Variants in DUOX2 observed in about 807,000 individuals in gnomAD.
The protein encoded by DUOX2 is dual oxidase 2, also known as NADH/NADPH thyroid oxidase p138-tox.
Under a neutral mutation model 183.3 loss-of-function variants are expected in DUOX2, and 185 were observed. The ratio of observed to expected loss-of-function variants is 1.01; its 90% confidence interval spans 0.90 to 1.14. The LOEUF (loss-of-function observed/expected upper bound fraction) is 1.14, where lower values mean the gene tolerates loss of function less well. Ranked by LOEUF, DUOX2 falls within the 50% of genes most tolerant of loss-of-function variation. The probability of loss-of-function intolerance (pLI) is 0.00; values close to 1 mark genes in which losing one functional copy is unlikely to be tolerated. For missense variants in DUOX2, 1,999 were observed against 2,022.9 expected (o/e 0.99, Z 0.23); for synonymous variants, 788 against 812.4 (o/e 0.97, Z 0.51).
Position 45,110,645 on chromosome 15 carries a change from C to G in DUOX2, c.943+5G>C. 1 of 1,613,244 alleles carries G rather than the reference C, an allele frequency of 6.2e-7. No individual in the cohort carries two copies. Among genetic ancestry groups the G allele is most frequent in the Non-Finnish European group, 8.5e-7 (1 of 1,180,016 alleles). On this transcript the variant is annotated splice_donor_5th_base_variant and intron_variant, in intron 8 of 33. Transcript: ENST00000389039. ...CACAGGTGTCCTCCTTCCCCGCTCC[C>G]TCACCTGTATACTCCGGGAGTGTTT...
intron 13 of DUOX2, 62 bp downstream of exon 13, chr15:45,107,985 G>A (rs1894268646): frequency 1.9e-6 from 3 of 1,605,146 alleles, no homozygotes; most frequent in Non-Finnish European, 2.6e-6. Context: ...TCTAAGGCTA[G>A]ACAGAGGGTC....
intron 26 of DUOX2, chr15:45,099,055 A>G: frequency 7.2e-6 from 2 of 278,378 alleles, no homozygotes; most frequent in South Asian, 8.5e-5. Context: ...CTTTCGCCCA[A>G]GCTGGACTGC....
chr15:45,113,002 C>T lies in DUOX2; in HGVS notation c.145G>A (p.Glu49Lys), dbSNP rs756746436. 15 of 1,613,666 alleles carry T rather than the reference C, an allele frequency of 9.3e-6. No homozygotes were observed. Among genetic ancestry groups the T allele is most frequent in the Admixed American group, 1.7e-5 (1 of 60,036 alleles). The change falls in exon 3 of 34, where the codon GAG becomes AAG. Residue 49 changes from glutamate to lysine, a missense_variant. This residue lies in a region of DUOX2 where 356 missense variants were observed against 356.4 expected (regional missense o/e 1.00). Transcript: ENST00000389039. ...CAGAACGCACCAACAGCACCACGCT[C>T]GTGGTGCCTCAGGTTGTTAAACCAG... The part of the protein sequence containing the change: ...DGWFNNLRHH[E>K]RGAVGCRLQR...
intron 4 of DUOX2, 137 bp downstream of exon 4, chr15:45,112,417 G>C: frequency 9.3e-7 from 1 of 1,071,486 alleles, no homozygotes; most frequent in Non-Finnish European, 1.3e-6. Context: ...GATGAAGGCA[G>C]TCTCGAAGTG....
rs1388614447 is a variant in DUOX2 at position 45,101,700 on chromosome 15, G to T, written c.2851+93C>A. 4 of 1,555,328 alleles carry T rather than the reference G, an allele frequency of 2.6e-6. No homozygotes were observed. In the East Asian group the frequency reaches 6.7e-5, roughly 26 times the overall value. On this transcript the variant is annotated intron_variant, in intron 21 of 33. Transcript: ENST00000389039. ...TTCTATACTAGGTACCAAGGACTCA[G>T]AAAAGAGTAAGACCTGGGTCCTGCC...
At chr15:45,107,990 A>AG in intron 13 of DUOX2, 57 bp downstream of exon 13, 1 of 1,601,194 alleles carries the variant, frequency 6.2e-7, no homozygotes, top group Non-Finnish European at 8.6e-7. Context: ...GGCTAGACAG[A>AG]GGGTCTGGGG....
At chr15:45,109,337 A>G in intron 11 of DUOX2, 187 bp downstream of exon 11, 1 of 627,412 alleles carries the variant, frequency 1.6e-6, no homozygotes, top group Non-Finnish European at 2.8e-6. Flanking sequence ...AAAGCAACAC[A>G]AAAGTGTAAA....
chr15:45,102,392 G>C (rs905941518), intron 20 of DUOX2, among the ~76,000 whole-genome samples: 1 of 152,186 alleles, frequency 6.6e-6, no homozygotes, highest in Admixed American at 6.5e-5. Flanking sequence ...CAGGCAGCCA[G>C]GTGCCAGGGA....
chr15:45,095,328 T>G, intron 31 of DUOX2, 109 bp downstream of exon 31: 1 of 1,541,870 alleles, frequency 6.5e-7, no homozygotes, highest in Non-Finnish European at 8.9e-7. Context: ...AATGACCCCT[T>G]CAGACTCAGT....
Position 45,110,470 on chromosome 15 carries a change from T to A in DUOX2, c.998A>T (p.Glu333Val). ...SISPEFVVASEQFFSTMVPPG... is the reference protein window; with the variant it reads ...SISPEFVVASVQFFSTMVPPG... ...GGGCACCATGGTAGAGAAGAACTGC[T>A]CAGAGGCCACCACAAATTCCGGGGA... The change falls in exon 9 of 34, where the codon GAG (glutamate) becomes GTG (valine). Residue 333 changes from glutamate (E) to valine (V), a missense_variant. By Grantham distance (121) the Glu-to-Val change is moderately radical. Around this residue, in one of 3 missense-constraint regions of DUOX2, gnomAD observed 1,628 missense variants for 1,608.6 expected, o/e 1.01. Coordinates refer to ENST00000389039, the MANE Select transcript of DUOX2 (RefSeq NM_001363711.2). 6.2e-7 allele frequency: 1 copy of A among 1,613,982 alleles called. No homozygotes were observed. Among genetic ancestry groups the A allele is most frequent in the South Asian group, 1.1e-5 (1 of 91,084 alleles).
At chr15:45,111,645 G>T (rs889565573) in intron 5 of DUOX2, 60 bp from the exon 6 acceptor site, 1 of 1,453,050 alleles carries the variant, frequency 6.9e-7, no homozygotes, top group Non-Finnish European at 9.0e-7. Flanking sequence ...AGGGAAGGCC[G>T]GGGCCCGGCG....
chr15:45,107,449 T>G lies in DUOX2; in HGVS notation c.1589A>C (p.Lys530Thr), dbSNP rs547545680. The change falls in exon 14 of 34, where the codon AAG (lysine) becomes ACG (threonine). Residue 530 changes from lysine to threonine, a missense_variant. Lys to Thr is a moderately conservative substitution (Grantham distance 78). Coordinates refer to ENST00000389039, the MANE Select transcript of DUOX2 (RefSeq NM_001363711.2). ...GGTATTTCGGATGTCTTCAATCTCC[T>G]TCTTGGAGAACAGCCTAAGTTGGAG... The part of the protein sequence containing the change: ...ENTRNGLFSK[K>T]EIEDIRNTTL... 6.2e-7 allele frequency: 1 copy of G among 1,614,146 alleles called. No individual in the cohort carries two copies. The highest frequency in any genetic ancestry group is 1.7e-5 in the Admixed American group (1 of 60,028).
chr15:45,111,657 G>A lies in DUOX2; in HGVS notation c.514-72C>T, dbSNP rs1595528893. The A allele has an allele frequency of 6.9e-6, 10 of 1,447,396 alleles. No homozygotes were observed. In the East Asian group the frequency reaches 2.7e-4, roughly 39 times the overall value. The allele number at this position is 1,447,396 out of a possible 1,614,324, so 89.7% of individuals were successfully genotyped here. ...GCCAGGGAAGGCCGGGGCCCGGCGG[G>A]TGTCCGCGGCTGGGGAGTGGGCGCC... On this transcript the variant is annotated intron_variant, in intron 5 of 33. Transcript: ENST00000389039.
rs944676785 is a variant in DUOX2 at position 45,095,852 on chromosome 15, G to C, written c.4056C>G (p.Gly1352=). 6.2e-7 allele frequency: 1 copy of C among 1,614,134 alleles called. No homozygotes were observed. The highest frequency in any genetic ancestry group is 8.5e-7 in the Non-Finnish European group (1 of 1,180,008). The change falls in exon 30 of 34, where the codon GGC becomes GGG. Residue 1352 remains glycine, a synonymous_variant. Transcript: ENST00000389039. ...RLREIYSSPK[G]NGCAGYPKLY... is the part of the protein sequence containing the mutation. Reference sequence around the variant, plus strand: ...CCTTTGGGTATCCAGCACAGCCATTGCCCTTTGGGGATGAGTAGATCTCCC... The same window carrying C: ...CCTTTGGGTATCCAGCACAGCCATTCCCCTTTGGGGATGAGTAGATCTCCC...
At chr15:45,107,087 C>T (rs1894239730) in intron 14 of DUOX2, 118 bp from the exon 15 acceptor site, 2 of 1,438,846 alleles carry the variant, frequency 1.4e-6, no homozygotes, top group African/African-American at 1.4e-5. Context: ...GGCCCACCTC[C>T]CTGAAACTGT....
At chr15:45,104,626 G>A (rs568111956) in intron 18 of DUOX2, among the ~76,000 whole-genome samples, 2 of 152,288 alleles carry the variant, frequency 1.3e-5, no homozygotes, top group African/African-American at 4.8e-5. Context: ...GGGTAGGGAA[G>A]GGGAAGGGCG....
intron 17 of DUOX2, 58 bp from the exon 18 acceptor site, chr15:45,105,886 C>A: frequency 6.2e-7 from 1 of 1,602,028 alleles, no homozygotes; most frequent in Non-Finnish European, 8.5e-7. Flanking sequence ...CTGCTTCAGC[C>A]TCCCCTCAAT....
chr15:45,098,933 G>A (rs964327427), intron 26 of DUOX2: 7 of 208,340 alleles, frequency 3.4e-5, no homozygotes, highest in African/African-American at 1.6e-4. Flanking sequence ...GGAACTCCTG[G>A]CCTCAAGCAA....
Position 45,100,128 on chromosome 15 carries a change from C to G in DUOX2, c.3106G>C (p.Glu1036Gln). ...QKLQQYKRFV[E>Q]NYRRHIVCVA... ...CACACGATGTGCCTCCGGTAGTTCT[C>G]CACGAAGCGCTTGTACTGCTGCAGC... Residue 1036 changes from glutamate (E) to glutamine (Q), a missense_variant, in exon 24 of 34, where the codon GAG becomes CAG. This residue lies in a region of DUOX2 where 1,628 missense variants were observed against 1,608.6 expected (regional missense o/e 1.01). Coordinates refer to ENST00000389039, the MANE Select transcript of DUOX2 (RefSeq NM_001363711.2). The G allele has an allele frequency of 1.9e-6, 3 of 1,614,208 alleles. No individual in the cohort carries two copies. The highest frequency in any genetic ancestry group is 2.5e-6 in the Non-Finnish European group (3 of 1,180,038).
Sources: gnomAD v4.1 joint callset for allele counts (sites outside exome capture counted in the v4.1 genomes callset) on GRCh38, gnomAD v4.1.1 for gene constraint, gnomAD v4.1.1 regional missense constraint, MANE v1.5 for transcripts, NCBI Gene and HGNC (gene_info 2026-07-23, HGNC 2026-07-21) for gene names.